Variants in TANGO2 observed in about 807,000 individuals in gnomAD.
The protein encoded by TANGO2 is transport and golgi organization 2 homolog.
TANGO2 carries 26 observed loss-of-function variants against 39.1 expected under a neutral mutation model. The ratio of observed to expected loss-of-function variants is 0.67; its 90% CI spans 0.49 to 0.92. The LOEUF is 0.92. TANGO2 is among the 40% of genes least tolerant of loss of function. The probability of loss-of-function intolerance (pLI) is 0.00; values close to 1 mark genes in which losing one functional copy is unlikely to be tolerated. For missense variants in TANGO2, 326 were observed against 360.1 expected, an observed-to-expected ratio of 0.91 and a Z score of 0.77; for synonymous variants, 131 against 144.5, an observed-to-expected ratio of 0.91 and a Z score of 0.67.
intron 6 of TANGO2, among the ~76,000 whole-genome samples, chr22:20,060,348 CA>C (rs1180539682): frequency 0.16 from 12,586 of 80,560 alleles, 587 homozygotes; most frequent in South Asian, 0.22. Flanking sequence ...GACTCCGTCT[CA>C]AAAAAAAAAA....
At chr22:20,037,196 C>T (rs899916441) in intron 2 of TANGO2, 32 of 1,335,846 alleles carry the variant, frequency 2.4e-5, no homozygotes, top group East Asian at 2.4e-4. Flanking sequence ...TGAGTGAGAG[C>T]CAGCTTGGGC....
intron 7 of TANGO2, among the ~76,000 whole-genome samples, chr22:20,062,484 G>A (rs1368671706): frequency 6.6e-6 from 1 of 152,180 alleles, no homozygotes; most frequent in East Asian, 1.9e-4. Context: ...TCTCCTCTGG[G>A]CCTCTGATAG....
chr22:20,048,612 T>C (rs1484486700), intron 3 of TANGO2, among the ~76,000 whole-genome samples: 1 of 152,182 alleles, frequency 6.6e-6, no homozygotes, highest in Non-Finnish European at 1.5e-5. Flanking sequence ...TTGTGCCTAC[T>C]CATTTCCTTA....
chr22:20,047,290 A>G (rs372097663), intron 3 of TANGO2, among the ~76,000 whole-genome samples: 80 of 149,774 alleles, frequency 5.3e-4, no homozygotes, highest in African/African-American at 1.9e-3. Context: ...CTGGAGTGCA[A>G]TGGCACGATC....
intron 3 of TANGO2, among the ~76,000 whole-genome samples, chr22:20,046,952 T>C (rs2045334885): frequency 6.6e-6 from 1 of 152,156 alleles, no homozygotes; most frequent in Non-Finnish European, 1.5e-5. Context: ...TGAAGCACAG[T>C]GTCAGCATCT....
intron 1 of TANGO2, among the ~76,000 whole-genome samples, chr22:20,022,988 G>C (rs115540853): frequency 1.1e-4 from 17 of 152,318 alleles, no homozygotes; most frequent in African/African-American, 3.8e-4. Context: ...GGGCTGTCTT[G>C]AAAACAAGCC....
At chr22:20,049,600 C>T (rs1033844315) in intron 3 of TANGO2, among the ~76,000 whole-genome samples, 18 of 147,176 alleles carry the variant, frequency 1.2e-4, no homozygotes, top group African/African-American at 4.3e-4. Context: ...GCGGAGGTTG[C>T]GGTGAGCTGA....
Position 20,031,358 on chromosome 22 carries a change from C to T in TANGO2, c.-39-5402C>T, listed in dbSNP as rs369606791. On this transcript the variant is annotated intron_variant, in intron 1 of 8. Transcript: ENST00000327374. ...ACAGAGTGGAGGTGATGTGCTTCCT[C>T]AAATAGCCATGAGAACAACGCTTCT... is the stretch of plus-strand genomic sequence containing the variant. Among the ~76,000 whole-genome samples, 36 of 152,308 alleles carry T rather than the reference C, an allele frequency of 2.4e-4. No homozygotes were observed. The East Asian group carries it at 5.8e-3, about 24-fold the overall frequency.
intron 2 of TANGO2, among the ~76,000 whole-genome samples, chr22:20,039,220 C>T (rs1014257980): frequency 4.6e-5 from 7 of 151,750 alleles, no homozygotes; most frequent in Non-Finnish European, 8.8e-5. Flanking sequence ...ATGCGTGAGC[C>T]ACCATGCCCG....
At chr22:20,040,884 A>T (rs916826925) in intron 2 of TANGO2, among the ~76,000 whole-genome samples, 2 of 152,064 alleles carry the variant, frequency 1.3e-5, no homozygotes, top group Non-Finnish European at 2.9e-5. Context: ...ACCTCCCCCT[A>T]CCCCAGGCAG....
chr22:20,017,557 C>T (rs768695156), upstream of TANGO2, among the ~76,000 whole-genome samples: 3 of 152,188 alleles, frequency 2.0e-5, no homozygotes, highest in Non-Finnish European at 2.9e-5. Context: ...CCCATGGGGC[C>T]GCCCTTTCTT....
At chr22:20,048,436 T>C (rs1318219715) in intron 3 of TANGO2, 1 of 152,264 alleles carries the variant, frequency 6.6e-6, no homozygotes, top group Non-Finnish European at 1.5e-5. Flanking sequence ...GAGAATGGAC[T>C]AATAAATACA....
chr22:20,021,463 G>T (rs1012207889), intron 1 of TANGO2, among the ~76,000 whole-genome samples: 1 of 152,214 alleles, frequency 6.6e-6, no homozygotes, highest in Non-Finnish European at 1.5e-5. Context: ...GGCTGAGATC[G>T]GCAGGGTTGG....
At chr22:20,019,084 A>C (rs903639139), upstream of TANGO2, 47 of 152,110 alleles carry the variant, frequency 3.1e-4, no homozygotes, top group African/African-American at 1.1e-3. Context: ...ACTCCATCTC[A>C]AAAAAAAGGA....
At chr22:20,050,024 C>T (rs542114932) in intron 3 of TANGO2, among the ~76,000 whole-genome samples, 93 of 152,136 alleles carry the variant, frequency 6.1e-4, no homozygotes, top group African/African-American at 1.6e-3. Context: ...TTGGCTAACA[C>T]GGTGAAACCC....
chr22:20,066,573 T>C lies in TANGO2; in HGVS notation c.*1911T>C, dbSNP rs918132206. ...ACTTTGCTGGGCTCAGAGCCTTCCA[T>C]GGCTCACTTTGAACTCAGAAGAGTT... On this transcript the variant is annotated 3_prime_UTR_variant, in exon 9 of 9. Transcript: ENST00000327374. The C allele has an allele frequency of 6.6e-6, 1 of 152,390 alleles. No homozygotes were observed. The highest frequency in any genetic ancestry group is 2.4e-5 in the African/African-American group (1 of 41,438). 9.4% of individuals were successfully genotyped at this position (152,390 alleles called of 1,614,324 possible). A position where few individuals can be genotyped will look rare whatever the true frequency, so the allele number is the denominator to read the frequency against.
At chr22:20,020,304 G>A (rs1352104542), upstream of TANGO2, among the ~76,000 whole-genome samples, 1 of 152,206 alleles carries the variant, frequency 6.6e-6, no homozygotes, top group Non-Finnish European at 1.5e-5. Context: ...GGCAGGGCCT[G>A]AGCCTCTGGG....
rs182734147 is a variant in TANGO2 at position 20,058,681 on chromosome 22, A to C, written c.451+2668A>C. Among the ~76,000 whole-genome samples the C allele has an allele frequency of 3.3e-5, 5 of 151,938 alleles. No individual in the cohort carries two copies. In the East Asian group the frequency reaches 9.7e-4, roughly 29 times the overall value. ...CAAAGAAAAACTCACCAGCATGGCT[A>C]AATGATAGAAAGGAGAGTTTTATTT... is the stretch of plus-strand genomic sequence containing the variant. On this transcript the variant is annotated intron_variant, in intron 6 of 8. Coordinates refer to ENST00000327374, the MANE Select transcript of TANGO2 (RefSeq NM_152906.7).
intron 1 of TANGO2, among the ~76,000 whole-genome samples, chr22:20,025,149 T>C (rs1312058987): frequency 1.3e-5 from 2 of 149,576 alleles, no homozygotes; most frequent in African/African-American, 2.5e-5. Flanking sequence ...GAGGTTGCAG[T>C]GACCTGAGAT....
Sources: allele counts gnomAD v4.1 joint callset (sites outside exome capture counted in the v4.1 genomes callset), GRCh38; gene constraint gnomAD v4.1.1; transcripts MANE v1.5; gene names NCBI Gene and HGNC (gene_info 2026-07-23, HGNC 2026-07-21).